Variants in GRM1 observed in about 807,000 individuals in gnomAD.
GRM1 encodes the protein glutamate metabotropic receptor 1, also known as metabotropic glutamate receptor 1.
Under a neutral mutation model 90.9 loss-of-function variants are expected in GRM1, and 33 were observed. The observed-to-expected ratio is 0.36, with a 90% CI of 0.28 to 0.49. The LOEUF (loss-of-function observed/expected upper bound fraction) is 0.49, where lower values mean the gene tolerates loss of function less well. GRM1 is among the 20% of genes least tolerant of loss of function. The probability of loss-of-function intolerance (pLI) is 0.99; values close to 1 mark genes in which losing one functional copy is unlikely to be tolerated. For missense variants in GRM1, 1,190 were observed against 1,534.3 expected (o/e 0.78, Z 3.75); for synonymous variants, 700 against 613.2 (o/e 1.14, Z -2.09).
intron 3 of GRM1, among the ~76,000 whole-genome samples, chr6:146,316,050 T>A (rs1783953843): frequency 6.6e-6 from 1 of 152,192 alleles, no homozygotes; most frequent in Admixed American, 6.5e-5. Context: ...TACAATTCTG[T>A]AGGTTAGAAG....
intron 2 of GRM1, among the ~76,000 whole-genome samples, chr6:146,272,476 G>C (rs766826323): frequency 6.6e-6 from 1 of 152,122 alleles, no homozygotes; most frequent in East Asian, 1.9e-4. Flanking sequence ...ATAGTGCCTA[G>C]AATAGTAGAA....
rs984835147 is a variant in GRM1 at position 146,434,234 on chromosome 6, C to T, written c.3023C>T (p.Ala1008Val). ...EETPLFLAEPALPKGLPPPLQ... is the reference protein window; with the variant it reads ...EETPLFLAEPVLPKGLPPPLQ... ...ACCCCCCTCTTCCTGGCCGAACCAG[C>T]CCTCCCCAAGGGCTTGCCCCCTCCT... The change falls in exon 8 of 8, where the codon GCC (alanine) becomes GTC (valine). Residue 1008 changes from alanine (A) to valine (V), a missense_variant. Ala to Val is a moderately conservative substitution (Grantham distance 64). Coordinates refer to ENST00000282753, the MANE Select transcript of GRM1 (RefSeq NM_001278064.2). 18 of 1,604,622 alleles carry T rather than the reference C, an allele frequency of 1.1e-5. No homozygotes were observed. The highest frequency in any genetic ancestry group is 1.4e-5 in the Non-Finnish European group (16 of 1,173,892).
At chr6:146,421,520 T>C (rs1317620805) in intron 7 of GRM1, among the ~76,000 whole-genome samples, 3 of 152,130 alleles carry the variant, frequency 2.0e-5, no homozygotes, top group African/African-American at 4.8e-5. Flanking sequence ...ACATACCAAT[T>C]TGTCTCTTTA....
Position 146,434,943 on chromosome 6 carries a change from C to A in GRM1, c.*147C>A, listed in dbSNP as rs533164665. 4.2e-5 allele frequency: 31 copies of A among 742,244 alleles called. No individual in the cohort carries two copies. In the Admixed American group the frequency reaches 4.4e-4, roughly 11 times the overall value. The allele number at this position is 742,244 out of a possible 1,614,324, so 46.0% of individuals were successfully genotyped here. On this transcript the variant is annotated 3_prime_UTR_variant, in exon 8 of 8. Coordinates refer to ENST00000282753, the MANE Select transcript of GRM1 (RefSeq NM_001278064.2). Reference sequence around the variant, plus strand: ...GCTGCTGCTGCTGCCGCTACTGCTGCTGCTGCCTTAAGTAGGAAGAGAGGG... The same window carrying A: ...GCTGCTGCTGCTGCCGCTACTGCTGATGCTGCCTTAAGTAGGAAGAGAGGG...
intron 6 of GRM1, among the ~76,000 whole-genome samples, chr6:146,397,420 G>A (rs895274679): frequency 2.1e-5 from 3 of 142,834 alleles, no homozygotes; most frequent in Non-Finnish European, 4.5e-5. Flanking sequence ...CTTGCAGTGA[G>A]CTGAGATTGC....
At chr6:146,192,536 G>A (rs1778966620) in intron 2 of GRM1, among the ~76,000 whole-genome samples, 1 of 152,140 alleles carries the variant, frequency 6.6e-6, no homozygotes. Context: ...ATGTAAGTAT[G>A]AAATTAAAAT....
chr6:146,167,235 T>C (rs1476705871), intron 2 of GRM1, among the ~76,000 whole-genome samples: 1 of 152,166 alleles, frequency 6.6e-6, no homozygotes, highest in Non-Finnish European at 1.5e-5. Context: ...CTCTTTATTG[T>C]TGAGTAGGAT....
chr6:146,270,099 G>A (rs1782058824), intron 2 of GRM1, among the ~76,000 whole-genome samples: 1 of 151,978 alleles, frequency 6.6e-6, no homozygotes, highest in South Asian at 2.1e-4. Flanking sequence ...CATCACAAGG[G>A]CCTGCTAGCT....
chr6:146,243,906 A>G (rs1185787633), intron 2 of GRM1, among the ~76,000 whole-genome samples: 2 of 152,114 alleles, frequency 1.3e-5, no homozygotes, highest in Non-Finnish European at 2.9e-5. Flanking sequence ...TCCTGCTAGG[A>G]ACACACTCTC....
chr6:146,357,467 T>C (rs1785630578), intron 4 of GRM1, 59 bp from the exon 5 acceptor site: 4 of 1,391,806 alleles, frequency 2.9e-6, no homozygotes, highest in Non-Finnish European at 4.1e-6. Flanking sequence ...TTACCAACTT[T>C]CTTTGTTTTC....
At chr6:146,400,218 T>C (rs362939) in intron 7 of GRM1, among the ~76,000 whole-genome samples, 10,815 of 152,238 alleles carry the variant, frequency 0.071, 1,155 homozygotes, top group African/African-American at 0.23. Flanking sequence ...ATTTGATCAC[T>C]ACTGAGCACC....
At chr6:146,380,400 GGA>G (rs1776277620) in intron 5 of GRM1, among the ~76,000 whole-genome samples, 1 of 151,284 alleles carries the variant, frequency 6.6e-6, no homozygotes, top group African/African-American at 2.4e-5. Context: ...CAAAGGTAGA[GGA>G]GACTCACCCC....
rs544945153 is a variant in GRM1 at position 146,064,841 on chromosome 6, T to C, written c.700+34624T>C. Among the ~76,000 whole-genome samples the C allele has an allele frequency of 3.2e-4, 49 of 151,892 alleles. 2 individuals are homozygous for C. Among genetic ancestry groups the C allele is most frequent in the South Asian group, 6.2e-4 (3 of 4,804 alleles). ...TTTTTATATCTTCTCTTTTTCTTAA[T>C]GAATATTTGATGAGCCTAATAGTTA... is the stretch of plus-strand genomic sequence containing the variant. On this transcript the variant is annotated intron_variant, in intron 1 of 7. Coordinates refer to ENST00000282753, the MANE Select transcript of GRM1 (RefSeq NM_001278064.2).
At chr6:146,051,751 T>C (rs1425439881) in intron 1 of GRM1, among the ~76,000 whole-genome samples, 2 of 152,090 alleles carry the variant, frequency 1.3e-5, no homozygotes, top group Non-Finnish European at 2.9e-5. Context: ...ATTTTAGCTA[T>C]GAACATATGT....
intron 7 of GRM1, among the ~76,000 whole-genome samples, chr6:146,431,088 C>T (rs1237936524): frequency 3.3e-5 from 5 of 152,232 alleles, no homozygotes; most frequent in Non-Finnish European, 5.9e-5. Context: ...TGATACATTC[C>T]TTCTACTATG....
rs902589538 is a variant in GRM1 at position 146,121,852 on chromosome 6, C to G, written c.701-37496C>G. Among the ~76,000 whole-genome samples the G allele has an allele frequency of 2.0e-5, 3 of 152,142 alleles. 1 individual carries two copies. In the South Asian group the frequency reaches 6.2e-4, roughly 32 times the overall value. On this transcript the variant is annotated intron_variant, in intron 1 of 7. Transcript: ENST00000282753. Reference sequence around the variant, plus strand: ...TTGCTGAGCAGTGCTTTACTTCCAACTATGTGGTCAATTTTGGAATAAGTG... The same window carrying G: ...TTGCTGAGCAGTGCTTTACTTCCAAGTATGTGGTCAATTTTGGAATAAGTG...
chr6:146,163,027 G>A (rs994974694), intron 2 of GRM1, among the ~76,000 whole-genome samples: 1 of 152,014 alleles, frequency 6.6e-6, no homozygotes, highest in East Asian at 1.9e-4. Context: ...AAGATCAGTA[G>A]GGATGTATTT....
intron 2 of GRM1, among the ~76,000 whole-genome samples, chr6:146,203,662 C>A (rs1388841644): frequency 1.3e-5 from 2 of 152,034 alleles, no homozygotes; most frequent in Non-Finnish European, 2.9e-5. Flanking sequence ...TTGATGGCAC[C>A]CAAGATAATC....
chr6:146,398,509 G>C (rs555893780), intron 6 of GRM1, among the ~76,000 whole-genome samples: 2 of 152,292 alleles, frequency 1.3e-5, no homozygotes, highest in East Asian at 1.9e-4. Flanking sequence ...TTATAATGCT[G>C]ATGTTGGAAG....
Sources: gnomAD v4.1 joint callset for allele counts (sites outside exome capture counted in the v4.1 genomes callset) on GRCh38, gnomAD v4.1.1 for gene constraint, MANE v1.5 for transcripts, NCBI Gene and HGNC (gene_info 2026-07-23, HGNC 2026-07-21) for gene names.